DGKB: variants seen among roughly 807,000 people sequenced by gnomAD.
DGKB encodes the protein diacylglycerol kinase beta.
A neutral mutation model predicts 114.3 loss-of-function variants in DGKB; 67 were observed. The observed-to-expected ratio is 0.59, with a 90% CI of 0.48 to 0.72. The LOEUF (loss-of-function observed/expected upper bound fraction) is 0.72. Ranked by LOEUF, DGKB falls within the 30% of genes least tolerant of loss-of-function variation. The probability of loss-of-function intolerance (pLI) is 0.00; values close to 1 mark genes in which losing one functional copy is unlikely to be tolerated. For synonymous variants in DGKB, 398 were observed against 323.1 expected (o/e 1.23, Z -2.49); for missense variants, 907 against 975.2 (o/e 0.93, Z 0.93).
chr7:14,507,138 G>C (rs796300422), intron 20 of DGKB, among the ~76,000 whole-genome samples: 2 of 152,252 alleles, frequency 1.3e-5, no homozygotes, highest in East Asian at 3.9e-4. Context: ...AGATTTGAAG[G>C]CCTGCTTGTT....
At chr7:14,420,867 C>T (rs1826555613) in intron 21 of DGKB, among the ~76,000 whole-genome samples, 2 of 152,112 alleles carry the variant, frequency 1.3e-5, no homozygotes, top group African/African-American at 4.8e-5. Context: ...TTCATGCTGA[C>T]GTCCTAGAAC....
At chr7:14,674,126 C>T (rs1257161634) in intron 12 of DGKB, among the ~76,000 whole-genome samples, 2 of 151,724 alleles carry the variant, frequency 1.3e-5, no homozygotes, top group Non-Finnish European at 2.9e-5. Flanking sequence ...TGCTGTCATG[C>T]TAACTCCCTG....
At chr7:14,339,850 C>G (rs2128578764) in intron 22 of DGKB, among the ~76,000 whole-genome samples, 1 of 151,766 alleles carries the variant, frequency 6.6e-6, no homozygotes, top group African/African-American at 2.4e-5. Context: ...TGTCTTAGTA[C>G]AGAAAAAATT....
At chr7:14,186,880 G>A (rs1783521786) in intron 23 of DGKB, among the ~76,000 whole-genome samples, 1 of 152,144 alleles carries the variant, frequency 6.6e-6, no homozygotes, top group South Asian at 2.1e-4. Flanking sequence ...AAGAGTTGGA[G>A]AGGGGCGAGG....
upstream of DGKB, among the ~76,000 whole-genome samples, chr7:14,905,726 A>T (rs946848197): frequency 9.2e-5 from 14 of 152,194 alleles, no homozygotes; most frequent in African/African-American, 3.4e-4. Flanking sequence ...CAAACTGTAC[A>T]ACAGCAAAAG....
chr7:14,946,366 T>C (rs962657531), intron 1 of DGKB, among the ~76,000 whole-genome samples: 1 of 151,726 alleles, frequency 6.6e-6, no homozygotes, highest in African/African-American at 2.4e-5. Flanking sequence ...CTTAAGTACA[T>C]CTATCCAAAC....
intron 21 of DGKB, among the ~76,000 whole-genome samples, chr7:14,433,389 A>C (rs561253624): frequency 1.3e-5 from 2 of 152,264 alleles, no homozygotes; most frequent in South Asian, 4.1e-4. Flanking sequence ...CTTGACCAGA[A>C]ATAATAGGCT....
intron 20 of DGKB, among the ~76,000 whole-genome samples, chr7:14,490,911 T>C (rs907934711): frequency 6.6e-6 from 1 of 152,128 alleles, no homozygotes; most frequent in African/African-American, 2.4e-5. Context: ...CAAAGGATTT[T>C]CTGGTAAATT....
rs568554886 is a variant in DGKB at position 14,620,549 on chromosome 7, A to C, written c.1284+829T>G. On this transcript the variant is annotated intron_variant, in intron 15 of 25. Transcript: ENST00000402815. ...TGTGTGACATACTGTTTGTATGTTA[A>C]ATTGTTGGTAAATATTCCCAGAGAA... Among the ~76,000 whole-genome samples the C allele has an allele frequency of 6.9e-4, 105 of 151,892 alleles. 1 individual carries two copies. Among genetic ancestry groups the C allele is most frequent in the Admixed American group, 2.5e-3 (38 of 15,198 alleles).
intron 1 of DGKB, among the ~76,000 whole-genome samples, chr7:14,874,725 C>A (rs1853012299): frequency 6.6e-6 from 1 of 151,878 alleles, no homozygotes; most frequent in African/African-American, 2.4e-5. Context: ...TTTACAGGAA[C>A]AACTGAAAAA....
At chr7:14,265,223 C>T (rs903979402) in intron 23 of DGKB, among the ~76,000 whole-genome samples, 3 of 149,340 alleles carry the variant, frequency 2.0e-5, no homozygotes, top group Non-Finnish European at 3.0e-5. Flanking sequence ...CAGTTTCATA[C>T]AGAGGGCTTC....
chr7:14,379,566 T>G (rs1346808244), intron 21 of DGKB, among the ~76,000 whole-genome samples: 1 of 151,916 alleles, frequency 6.6e-6, no homozygotes, highest in Non-Finnish European at 1.5e-5. Flanking sequence ...ATTTTATTTT[T>G]TATTGTTTTT....
chr7:14,365,159 CT>C (rs755729359), intron 21 of DGKB, among the ~76,000 whole-genome samples: 63 of 151,306 alleles, frequency 4.2e-4, no homozygotes, highest in Non-Finnish European at 8.3e-4. Context: ...CTTATAAGTA[CT>C]TGATATTTGG....
chr7:14,482,786 C>G (rs976807091), intron 20 of DGKB, among the ~76,000 whole-genome samples: 1 of 152,028 alleles, frequency 6.6e-6, no homozygotes, highest in African/African-American at 2.4e-5. Context: ...CCTGAATATA[C>G]TATGTATATA....
At chr7:14,840,418 AT>A (rs574150882) in intron 2 of DGKB, among the ~76,000 whole-genome samples, 169 of 152,178 alleles carry the variant, frequency 1.1e-3, no homozygotes, top group African/African-American at 4.0e-3. Context: ...TGCTGTTCAT[AT>A]TTATAGTTGA....
intron 21 of DGKB, among the ~76,000 whole-genome samples, chr7:14,427,758 A>AACAGCACAGGAAAGAACTGCCCCCATGAT (rs1827797180): frequency 6.6e-6 from 1 of 152,084 alleles, no homozygotes; most frequent in Non-Finnish European, 1.5e-5. Flanking sequence ...CTATCATGAG[A>AACAGCACAGGAAAGAACTGCCCCCATGAT]ACAGCACAGG....
chr7:14,212,636 T>C (rs1788308292), intron 23 of DGKB, among the ~76,000 whole-genome samples: 1 of 152,102 alleles, frequency 6.6e-6, no homozygotes, highest in Non-Finnish European at 1.5e-5. Flanking sequence ...GAGCTACACA[T>C]TTTAATCCCC....
intron 2 of DGKB, among the ~76,000 whole-genome samples, chr7:14,838,231 A>G (rs1459300363): frequency 1.3e-5 from 2 of 152,220 alleles, no homozygotes; most frequent in Non-Finnish European, 2.9e-5. Flanking sequence ...AGCCTATAAT[A>G]CACTGAAGAA....
chr7:14,545,704 GCC>G (rs887515688), intron 20 of DGKB, among the ~76,000 whole-genome samples: 10 of 152,174 alleles, frequency 6.6e-5, no homozygotes, highest in African/African-American at 2.4e-4. Flanking sequence ...GCTGGGCAAT[GCC>G]CACTCTTCCC....
Sources: allele counts gnomAD v4.1 joint callset (sites outside exome capture counted in the v4.1 genomes callset), GRCh38; gene constraint gnomAD v4.1.1; transcripts MANE v1.5; gene names NCBI Gene and HGNC (gene_info 2026-07-23, HGNC 2026-07-21).